The following EPB41L4B variants were observed in gnomAD, a reference collection of about 807,000 sequenced individuals.
EPB41L4B encodes band 4.1-like protein 4B.
In EPB41L4B, 30 loss-of-function variants were observed where a neutral mutation model predicts 112.5. The ratio of observed to expected loss-of-function variants is 0.27; its 90% CI spans 0.20 to 0.36. EPB41L4B has a LOEUF of 0.36. Ranked by LOEUF, EPB41L4B falls within the 10% of genes least tolerant of loss-of-function variation. The pLI is 1.00. For missense variants in EPB41L4B, 1,024 were observed against 1,133.3 expected (o/e 0.90, Z 1.38); for synonymous variants, 408 against 439.7 (o/e 0.93, Z 0.90).
intron 15 of EPB41L4B, among the ~76,000 whole-genome samples, chr9:109,227,209 T>C (rs1283309813): frequency 6.6e-6 from 1 of 152,194 alleles, no homozygotes; most frequent in Admixed American, 6.5e-5. Context: ...TTTTAATATA[T>C]ACATGCATAT....
At chr9:109,245,558 C>T (rs912269123) in intron 14 of EPB41L4B, among the ~76,000 whole-genome samples, 8 of 152,178 alleles carry the variant, frequency 5.3e-5, no homozygotes, top group African/African-American at 1.9e-4. Context: ...AGCTAATCAT[C>T]CTGCAATTCC....
chr9:109,238,055 C>T (rs1026311548), intron 15 of EPB41L4B, among the ~76,000 whole-genome samples: 5 of 152,094 alleles, frequency 3.3e-5, no homozygotes, highest in Non-Finnish European at 5.9e-5. Context: ...GTGGTTGAGA[C>T]CATAGGCTCT....
intron 16 of EPB41L4B, among the ~76,000 whole-genome samples, chr9:109,214,578 G>C (rs749337443): frequency 2.0e-5 from 3 of 152,232 alleles, no homozygotes; most frequent in Non-Finnish European, 2.9e-5. Flanking sequence ...GCGAACATTT[G>C]AATGGGCTGC....
chr9:109,231,941 A>T (rs910600546), intron 15 of EPB41L4B, among the ~76,000 whole-genome samples: 4 of 151,738 alleles, frequency 2.6e-5, no homozygotes, highest in Non-Finnish European at 5.9e-5. Flanking sequence ...AAATACAAAT[A>T]TAGTTGTTTT....
At chr9:109,227,921 C>T (rs1833838921) in intron 15 of EPB41L4B, among the ~76,000 whole-genome samples, 1 of 152,138 alleles carries the variant, frequency 6.6e-6, no homozygotes, top group African/African-American at 2.4e-5. Flanking sequence ...ATATACAAAG[C>T]TGCTGACTTT....
chr9:109,192,443 C>A (rs1832492151), intron 21 of EPB41L4B, 88 bp from the exon 22 acceptor site: 2 of 919,206 alleles, frequency 2.2e-6, no homozygotes, highest in Admixed American at 2.3e-5. Flanking sequence ...GGTTCCCAGC[C>A]TCTCCTCTAC....
chr9:109,209,683 A>G (rs137969450), intron 17 of EPB41L4B, among the ~76,000 whole-genome samples: 2 of 152,256 alleles, frequency 1.3e-5, no homozygotes, highest in East Asian at 3.9e-4. Context: ...AAAAAGAAAA[A>G]GAGTGCCAGT....
intron 4 of EPB41L4B, among the ~76,000 whole-genome samples, chr9:109,265,352 A>G (rs1305231516): frequency 6.6e-6 from 1 of 152,236 alleles, no homozygotes; most frequent in East Asian, 1.9e-4. Flanking sequence ...TGGGCATGCA[A>G]CATGTCCAAT....
chr9:109,226,755 AATAT>A (rs34926347), intron 15 of EPB41L4B, among the ~76,000 whole-genome samples: 6 of 137,512 alleles, frequency 4.4e-5, no homozygotes, highest in South Asian at 4.4e-4. Context: ...ATATATGAAG[AATAT>A]ATATATATGA....
chr9:109,276,046 T>TAC (rs71492839), intron 2 of EPB41L4B, among the ~76,000 whole-genome samples: 1 of 147,946 alleles, frequency 6.8e-6, no homozygotes, highest in Non-Finnish European at 1.5e-5. Flanking sequence ...TATATATATA[T>TAC]AAAATATATG....
intron 15 of EPB41L4B, among the ~76,000 whole-genome samples, chr9:109,225,662 A>G (rs1833737217): frequency 6.6e-6 from 1 of 152,210 alleles, no homozygotes; most frequent in African/African-American, 2.4e-5. Context: ...ACACAGCCAA[A>G]CCATATCAGC....
chr9:109,216,513 T>C (rs1833371589), intron 16 of EPB41L4B, among the ~76,000 whole-genome samples: 1 of 151,846 alleles, frequency 6.6e-6, no homozygotes, highest in Non-Finnish European at 1.5e-5. Context: ...TGGTGGCACA[T>C]GCCTATAATC....
chr9:109,208,297 G>T (rs1031413315), intron 17 of EPB41L4B, among the ~76,000 whole-genome samples: 2 of 152,200 alleles, frequency 1.3e-5, no homozygotes, highest in African/African-American at 4.8e-5. Context: ...GAGAAGAAAA[G>T]GCTTTTCCAG....
chr9:109,185,881 C>T (rs528649618), intron 22 of EPB41L4B, among the ~76,000 whole-genome samples: 1 of 149,174 alleles, frequency 6.7e-6, no homozygotes, highest in African/African-American at 2.5e-5. Context: ...CATACCAAGA[C>T]CCCATTCCCA....
chr9:109,301,817 C>A (rs1012165003), intron 1 of EPB41L4B, among the ~76,000 whole-genome samples: 31 of 152,220 alleles, frequency 2.0e-4, no homozygotes, highest in African/African-American at 7.5e-4. Context: ...GTGGGAGGAT[C>A]TCTTGAGCCC....
chr9:109,276,152 TATACACACACACAC>T (rs1322359916), intron 2 of EPB41L4B, among the ~76,000 whole-genome samples: 2 of 119,728 alleles, frequency 1.7e-5, no homozygotes, highest in African/African-American at 3.4e-5. Context: ...TACGTGTGTG[TATACACACACACAC>T]ACACACACAC....
intron 25 of EPB41L4B, among the ~76,000 whole-genome samples, chr9:109,176,088 A>T (rs1024234336): frequency 1.4e-5 from 2 of 145,180 alleles, no homozygotes; most frequent in Non-Finnish European, 1.5e-5. Flanking sequence ...ACACACACAC[A>T]CTCATTTGTT....
intron 6 of EPB41L4B, among the ~76,000 whole-genome samples, chr9:109,261,859 G>A (rs1406901828): frequency 6.6e-6 from 1 of 152,106 alleles, no homozygotes; most frequent in Admixed American, 6.5e-5. Context: ...AAATACAAAA[G>A]TGAGAAGTCA....
chr9:109,301,357 C>T (rs954594705), intron 1 of EPB41L4B, among the ~76,000 whole-genome samples: 11 of 152,224 alleles, frequency 7.2e-5, no homozygotes, highest in African/African-American at 2.4e-4. Flanking sequence ...TTTTTTTATA[C>T]TTTTTTGGGG....
Sources: allele counts gnomAD v4.1 joint callset (sites outside exome capture counted in the v4.1 genomes callset), GRCh38; gene constraint gnomAD v4.1.1; transcripts MANE v1.5; gene names NCBI Gene and HGNC (gene_info 2026-07-23, HGNC 2026-07-21).